Variants in CCDC40 observed in about 807,000 individuals in gnomAD.
CCDC40 encodes coiled-coil domain 40 molecular ruler complex subunit, also known as coiled-coil domain-containing protein 40.
Under a neutral mutation model 124.5 loss-of-function variants are expected in CCDC40, and 104 were observed. That is an observed-to-expected ratio of 0.84 (90% confidence interval 0.71 to 0.98). The LOEUF (loss-of-function observed/expected upper bound fraction) is 0.98. Among genes scored for constraint, CCDC40 ranks in the 50% least tolerant of loss-of-function variants. The pLI, the probability that CCDC40 is intolerant of heterozygous loss-of-function variation, is 0.00. For synonymous variants in CCDC40, 580 were observed against 602.9 expected (o/e 0.96, Z 0.56); for missense variants, 1,463 against 1,503.9 (o/e 0.97, Z 0.45).
At chr17:80,095,487 C>G in intron 18 of CCDC40, 36 bp downstream of exon 18, 1 of 1,599,578 alleles carries the variant, frequency 6.3e-7, no homozygotes, top group East Asian at 2.2e-5. Flanking sequence ...GGCGCCTGCT[C>G]CTCTCTCTGG....
At position 80,058,593 on chromosome 17, in the gene CCDC40, A is replaced by G. The variant is rs1060501720; in HGVS notation, c.1259A>G (p.Gln420Arg). 1 of 1,614,204 alleles carries G rather than the reference A, an allele frequency of 6.2e-7. No individual in the cohort carries two copies. The highest frequency in any genetic ancestry group is 8.5e-7 in the Non-Finnish European group (1 of 1,180,026). ...DMRDDIRVMT[Q>R]VVKKAETERI... is the part of the protein sequence containing the mutation. Reference sequence around the variant, plus strand: ...CGTGACGACATCCGCGTGATGACACAAGTGGTAAAGAAGGCCGAGACGGAG... The same window carrying G: ...CGTGACGACATCCGCGTGATGACACGAGTGGTAAAGAAGGCCGAGACGGAG... Residue 420 changes from glutamine to arginine, a missense_variant, in exon 8 of 20, where the codon CAA becomes CGA. Gln to Arg is a conservative substitution (Grantham distance 43). Transcript: ENST00000397545. The surrounding 1 kb of genome is among the most constrained non-coding windows in gnomAD (Gnocchi z 4.2).
At chr17:80,085,294 A>C (rs920997378) in intron 13 of CCDC40, among the ~76,000 whole-genome samples, 1 of 152,268 alleles carries the variant, frequency 6.6e-6, no homozygotes, top group African/African-American at 2.4e-5. Flanking sequence ...GTGTCCAATC[A>C]GATGTTATTC....
chr17:80,082,172 T>C, intron 12 of CCDC40, 114 bp downstream of exon 12: 1 of 767,376 alleles, frequency 1.3e-6, no homozygotes, highest in Non-Finnish European at 2.1e-6. Flanking sequence ...AGGGCCCTCC[T>C]GTGCTCACTC....
At chr17:80,082,612 G>A (rs1303180980) in intron 12 of CCDC40, among the ~76,000 whole-genome samples, 5 of 152,086 alleles carry the variant, frequency 3.3e-5, no homozygotes, top group Non-Finnish European at 7.4e-5. Flanking sequence ...AGTCTCAGAG[G>A]AGGGTGACAG....
chr17:80,077,000 TG>T (rs1279400624), intron 10 of CCDC40, among the ~76,000 whole-genome samples: 1 of 152,150 alleles, frequency 6.6e-6, no homozygotes, highest in Non-Finnish European at 1.5e-5. Context: ...CCTCTCTAAG[TG>T]CTGGGATTAC....
intron 3 of CCDC40, among the ~76,000 whole-genome samples, chr17:80,045,779 A>C (rs1288571299): frequency 6.6e-6 from 1 of 151,978 alleles, no homozygotes; most frequent in African/African-American, 2.4e-5. Context: ...TTCTCATAAC[A>C]AAAACTATCA....
chr17:80,047,996 C>A (rs1283132276), intron 4 of CCDC40, among the ~76,000 whole-genome samples: 1 of 152,218 alleles, frequency 6.6e-6, no homozygotes, highest in East Asian at 1.9e-4. Context: ...ACAAGCCGGG[C>A]GCGGTGGCTC....
intron 10 of CCDC40, 110 bp downstream of exon 10, chr17:80,065,716 G>A (rs2038028423): frequency 1.4e-6 from 2 of 1,438,188 alleles, no homozygotes; most frequent in South Asian, 1.2e-5. Flanking sequence ...GACAGAGGGT[G>A]CACCTTGATC....
At chr17:80,051,592 G>A in intron 7 of CCDC40, among the ~76,000 whole-genome samples, 1 of 123,816 alleles carries the variant, frequency 8.1e-6, no homozygotes, top group Non-Finnish European at 1.6e-5. Context: ...TCCCGCCACT[G>A]CACTCCAGCC....
chr17:80,050,652 C>A (rs1056653814), intron 7 of CCDC40, among the ~76,000 whole-genome samples: 1 of 152,210 alleles, frequency 6.6e-6, no homozygotes, highest in Non-Finnish European at 1.5e-5. Flanking sequence ...CCATGTTGGC[C>A]AGGCTGGTCT....
At chr17:80,083,368 T>A (rs1398222156) in intron 12 of CCDC40, among the ~76,000 whole-genome samples, 3 of 152,118 alleles carry the variant, frequency 2.0e-5, no homozygotes, top group Non-Finnish European at 4.4e-5. Flanking sequence ...CCTGGGGACA[T>A]TGGGTCTCCT....
chr17:80,096,131 C>T (rs2038806327), intron 18 of CCDC40, among the ~76,000 whole-genome samples: 1 of 152,188 alleles, frequency 6.6e-6, no homozygotes, highest in South Asian at 2.1e-4. Context: ...GCCTCGTCTG[C>T]TGGGGGGTGG....
At position 80,082,137 on chromosome 17, in the gene CCDC40, GAGAGGGCGGAGTCAGTGTGAGC is replaced by G; in HGVS notation, c.1989+87_1989+108del. The G allele has an allele frequency of 3.1e-6, 4 of 1,285,832 alleles. No homozygotes were observed. The South Asian group carries it at 4.8e-5, about 16-fold the overall frequency. The allele number at this position is 1,285,832 out of a possible 1,614,324, so 79.7% of individuals were successfully genotyped here. On this transcript the variant is annotated intron_variant, in intron 12 of 19. Coordinates refer to ENST00000397545, the MANE Select transcript of CCDC40 (RefSeq NM_017950.4). The stretch of plus-strand genomic sequence containing the variant: ...ATGAGGGCAAGCCGTCCTGGAGGCG[GAGAGGGCGGAGTCAGTGTGAGC>G]AGAGGGCCCTCCTGTGCTCACTCCT...
chr17:80,076,266 A>T (rs2038308284), intron 10 of CCDC40, among the ~76,000 whole-genome samples: 1 of 152,094 alleles, frequency 6.6e-6, no homozygotes, highest in Non-Finnish European at 1.5e-5. Context: ...GGAAGAGTCA[A>T]TCCATTGTCT....
rs2038589730 is a variant in CCDC40 at position 80,086,402 on chromosome 17, T to TGC, written c.2449+186_2449+187insGC. 1.6e-6 allele frequency: 1 copy of TGC among 614,934 alleles called. No individual in the cohort carries two copies. Among genetic ancestry groups the TGC allele is most frequent in the African/African-American group, 1.8e-5 (1 of 54,496 alleles). 38.1% of individuals were successfully genotyped at this position (614,934 alleles called of 1,614,324 possible). A position where few individuals can be genotyped will look rare whatever the true frequency, so the allele number is the denominator to read the frequency against. On this transcript the variant is annotated intron_variant, in intron 14 of 19. Transcript: ENST00000397545. The surrounding 1 kb of genome is among the most constrained non-coding windows in gnomAD (Gnocchi z 5.5). ...AACCACTGCCTGCCCAGCTGCCCAGTTCGCAGTCACAGCGGGAGGGTTGAG... is the reference window on the plus strand; with the variant it reads ...AACCACTGCCTGCCCAGCTGCCCAGTGCTCGCAGTCACAGCGGGAGGGTTGAG...
At chr17:80,062,580 T>G (rs2037932740) in intron 9 of CCDC40, among the ~76,000 whole-genome samples, 1 of 151,764 alleles carries the variant, frequency 6.6e-6, no homozygotes, top group South Asian at 2.1e-4. Flanking sequence ...TTGCAATAGT[T>G]TGCTGAGAAT....
chr17:80,044,701 ACAAAC>A (rs1384742884), intron 3 of CCDC40, among the ~76,000 whole-genome samples: 1,362 of 44,812 alleles, frequency 0.03, 62 homozygotes, highest in African/African-American at 0.085. Context: ...AACAAAACAA[ACAAAC>A]AAAAAAAAAA....
chr17:80,072,109 G>A (rs2038205818), intron 10 of CCDC40, among the ~76,000 whole-genome samples: 2 of 152,048 alleles, frequency 1.3e-5, no homozygotes, highest in African/African-American at 4.8e-5. Context: ...GAAAGTGCTG[G>A]GAATTACAGG....
At position 80,065,379 on chromosome 17, in the gene CCDC40, A is replaced by C; in HGVS notation, c.1441-106A>C. ...CATGATCAAGGAAAGTACCGGTGATAGAAGGAAAAGAGGAAGATTTGGGAA... is the reference window on the plus strand; with the variant it reads ...CATGATCAAGGAAAGTACCGGTGATCGAAGGAAAAGAGGAAGATTTGGGAA... On this transcript the variant is annotated intron_variant, in intron 9 of 19. Coordinates refer to ENST00000397545, the MANE Select transcript of CCDC40 (RefSeq NM_017950.4). 6 of 1,454,562 alleles carry C rather than the reference A, an allele frequency of 4.1e-6. No homozygotes were observed. The South Asian group carries it at 6.9e-5, about 17-fold the overall frequency. The allele number at this position is 1,454,562 out of a possible 1,614,324, so 90.1% of individuals were successfully genotyped here.
Sources: gnomAD v4.1 joint callset for allele counts (sites outside exome capture counted in the v4.1 genomes callset) on GRCh38, gnomAD v4.1.1 for gene constraint, Gnocchi (gnomAD v3.1) non-coding constraint, MANE v1.5 for transcripts, NCBI Gene and HGNC (gene_info 2026-07-23, HGNC 2026-07-21) for gene names.